RPS6KA5: variants seen among roughly 807,000 people sequenced by gnomAD.
RPS6KA5 encodes ribosomal protein S6 kinase alpha-5.
In RPS6KA5, 27 loss-of-function variants were observed where a neutral mutation model predicts 85.5. The ratio of observed to expected loss-of-function variants is 0.32; its 90% CI spans 0.23 to 0.44. RPS6KA5 has a LOEUF of 0.44. Ranked by LOEUF, RPS6KA5 falls within the 20% of genes least tolerant of loss-of-function variation. The pLI is 1.00. For synonymous variants in RPS6KA5, 334 were observed against 348.2 expected (o/e 0.96, Z 0.46); for missense variants, 811 against 980.9 (o/e 0.83, Z 2.31).
chr14:90,998,658 G>A (rs2040638497), intron 2 of RPS6KA5, among the ~76,000 whole-genome samples: 1 of 152,188 alleles, frequency 6.6e-6, no homozygotes, highest in African/African-American at 2.4e-5. Flanking sequence ...CAGTGGGGTA[G>A]AGCTTGGATT....
At chr14:90,896,638 G>A (rs747109013) in intron 12 of RPS6KA5, among the ~76,000 whole-genome samples, 9 of 152,154 alleles carry the variant, frequency 5.9e-5, no homozygotes, top group Non-Finnish European at 8.8e-5. Flanking sequence ...ATGTTGGGGG[G>A]TGTCTAGAAG....
chr14:90,995,310 T>G (rs1485037215), intron 2 of RPS6KA5, among the ~76,000 whole-genome samples: 2 of 152,130 alleles, frequency 1.3e-5, no homozygotes, highest in African/African-American at 4.8e-5. Context: ...TTAAATCACA[T>G]AAGTGGATAA....
At chr14:90,880,054 C>A (rs2033737913) in intron 14 of RPS6KA5, among the ~76,000 whole-genome samples, 1 of 152,168 alleles carries the variant, frequency 6.6e-6, no homozygotes, top group African/African-American at 2.4e-5. Flanking sequence ...CCGCCTTGGC[C>A]TCCCAAAGGG....
At chr14:90,886,929 CTTG>C (rs2034266605) in intron 14 of RPS6KA5, among the ~76,000 whole-genome samples, 2 of 152,086 alleles carry the variant, frequency 1.3e-5, no homozygotes, top group Non-Finnish European at 2.9e-5. Context: ...GACAATATAA[CTTG>C]TTTTCATATT....
intron 12 of RPS6KA5, among the ~76,000 whole-genome samples, chr14:90,897,547 G>A (rs1174071179): frequency 1.3e-5 from 2 of 152,096 alleles, no homozygotes; most frequent in Admixed American, 6.5e-5. Flanking sequence ...AGGCAACTGT[G>A]CCACCATTAT....
intron 7 of RPS6KA5, among the ~76,000 whole-genome samples, chr14:90,907,881 T>G (rs920875742): frequency 2.0e-5 from 3 of 152,130 alleles, no homozygotes; most frequent in Non-Finnish European, 2.9e-5. Flanking sequence ...AAGCATAGCT[T>G]TTCCCATTTT....
Position 90,865,271 on chromosome 14 carries a change from G to T in RPS6KA5, c.*6803C>A, listed in dbSNP as rs149229712. On this transcript the variant is annotated 3_prime_UTR_variant, in exon 17 of 17. Coordinates refer to ENST00000614987, the MANE Select transcript of RPS6KA5 (RefSeq NM_004755.4). ...ACAAACAACCAAAATGTCTATCAGT[G>T]GGAGAATGGATAAATTGTGATGTAT... 1 of 152,348 alleles carries T rather than the reference G, an allele frequency of 6.6e-6. No homozygotes were observed. Among genetic ancestry groups the T allele is most frequent in the African/African-American group, 2.4e-5 (1 of 41,580 alleles). 9.4% of individuals were successfully genotyped at this position (152,348 alleles called of 1,614,324 possible).
chr14:90,902,067 CT>C (rs2035202231), intron 9 of RPS6KA5, among the ~76,000 whole-genome samples: 2 of 151,288 alleles, frequency 1.3e-5, no homozygotes, highest in Non-Finnish European at 2.9e-5. Context: ...GTGGTCCCAG[CT>C]ATTCAGGAGG....
intron 2 of RPS6KA5, among the ~76,000 whole-genome samples, chr14:90,981,748 C>A (rs1874692302): frequency 6.6e-6 from 1 of 152,342 alleles, no homozygotes; most frequent in Middle Eastern, 3.4e-3. Context: ...AGCTACAATG[C>A]TTCACCACAT....
At position 90,849,229 on chromosome 14, in the gene RPS6KA5, C is replaced by T. The variant is rs182809640; in HGVS notation, c.*22845G>A. ...TAGCTACTGCTTATCAGGCAACTAA[C>T]AGAGCCGGCAACAGAAAGGTTACAA... On this transcript the variant is annotated 3_prime_UTR_variant, in exon 17 of 17. Transcript: ENST00000614987. The T allele has an allele frequency of 6.6e-6, 1 of 152,336 alleles. No individual in the cohort carries two copies. The highest frequency in any genetic ancestry group is 1.9e-4 in the East Asian group (1 of 5,182). The allele number at this position is 152,336 out of a possible 1,614,324, so 9.4% of individuals were successfully genotyped here. A position where few individuals can be genotyped will look rare whatever the true frequency, so the allele number is the denominator to read the frequency against.
At chr14:91,012,911 C>T (rs1033813203) in intron 1 of RPS6KA5, among the ~76,000 whole-genome samples, 2 of 152,192 alleles carry the variant, frequency 1.3e-5, no homozygotes, top group African/African-American at 4.8e-5. Flanking sequence ...TTTATCTCAC[C>T]TATCCCTGAC....
intron 7 of RPS6KA5, among the ~76,000 whole-genome samples, chr14:90,915,807 C>T (rs969555536): frequency 8.7e-5 from 13 of 149,782 alleles, no homozygotes; most frequent in African/African-American, 2.2e-4. Flanking sequence ...TCTGTCTCAA[C>T]ATTAAAAAAA....
Position 90,860,668 on chromosome 14 carries a change from T to C in RPS6KA5, c.*11406A>G, listed in dbSNP as rs1438225908. The C allele has an allele frequency of 6.6e-6, 1 of 152,068 alleles. No individual in the cohort carries two copies. Among genetic ancestry groups the C allele is most frequent in the Non-Finnish European group, 1.5e-5 (1 of 68,026 alleles). The allele number at this position is 152,068 out of a possible 1,614,324, so 9.4% of individuals were successfully genotyped here. A position where few individuals can be genotyped will look rare whatever the true frequency, so the allele number is the denominator to read the frequency against. The stretch of plus-strand genomic sequence containing the variant: ...TATATTACATGATACATGAATTTTA[T>C]CTTAAAAAAATAAAAATACAGAAAA... On this transcript the variant is annotated 3_prime_UTR_variant, in exon 17 of 17. Transcript: ENST00000614987.
chr14:90,873,327 A>G (rs990154295), intron 16 of RPS6KA5, among the ~76,000 whole-genome samples: 3 of 152,202 alleles, frequency 2.0e-5, no homozygotes, highest in Non-Finnish European at 2.9e-5. Context: ...AATGTTTATT[A>G]TGGTTTTTAA....
At position 90,943,136 on chromosome 14, in the gene RPS6KA5, G is replaced by A; in HGVS notation, c.560C>T (p.Ser187Phe). ...ATCTGTCAGCACCACATGGCCATTA[G>A]AATCAAGTAGAATATTCTCAAGCTT... The part of the protein sequence containing the change: ...DIKLENILLD[S>F]NGHVVLTDFG... Residue 187 changes from serine (S) to phenylalanine (F), a missense_variant, in exon 5 of 17, where the codon TCT becomes TTT. Ser to Phe is a radical substitution (Grantham distance 155). Coordinates refer to ENST00000614987, the MANE Select transcript of RPS6KA5 (RefSeq NM_004755.4). The A allele has an allele frequency of 2.5e-6, 4 of 1,612,216 alleles. No homozygotes were observed. Among genetic ancestry groups the A allele is most frequent in the Non-Finnish European group, 3.4e-6 (4 of 1,178,616 alleles).
At chr14:90,969,220 A>T (rs187960631) in intron 3 of RPS6KA5, among the ~76,000 whole-genome samples, 10 of 152,346 alleles carry the variant, frequency 6.6e-5, no homozygotes, top group African/African-American at 2.4e-4. Context: ...TAAGCAACTC[A>T]TATCATTCTG....
intron 2 of RPS6KA5, among the ~76,000 whole-genome samples, chr14:90,996,857 C>A (rs2040545464): frequency 6.6e-6 from 1 of 152,116 alleles, no homozygotes; most frequent in South Asian, 2.1e-4. Context: ...TATACTCATC[C>A]ATTCATTCAA....
intron 12 of RPS6KA5, among the ~76,000 whole-genome samples, chr14:90,898,202 C>T (rs955419392): frequency 6.6e-6 from 1 of 152,148 alleles, no homozygotes; most frequent in Non-Finnish European, 1.5e-5. Context: ...AACTGTAAGA[C>T]CTGTTACTTA....
chr14:90,890,105 G>T (rs1286253), intron 14 of RPS6KA5, among the ~76,000 whole-genome samples: 57,414 of 151,974 alleles, frequency 0.38, 11,693 homozygotes, highest in African/African-American at 0.53. Context: ...ATGGTATTCT[G>T]TAATTACATT....
Sources: gnomAD v4.1 joint callset for allele counts (sites outside exome capture counted in the v4.1 genomes callset) on GRCh38, gnomAD v4.1.1 for gene constraint, MANE v1.5 for transcripts, NCBI Gene and HGNC (gene_info 2026-07-23, HGNC 2026-07-21) for gene names.